SHROOM3: variants seen among roughly 807,000 people sequenced by gnomAD.
SHROOM3 encodes shroom family member 3, also known as protein Shroom3.
Under a neutral mutation model 138.6 loss-of-function variants are expected in SHROOM3, and 47 were observed. The observed-to-expected ratio is 0.34, with a 90% CI of 0.27 to 0.43. The LOEUF (loss-of-function observed/expected upper bound fraction) is 0.43. Ranked by LOEUF, SHROOM3 falls within the 20% of genes least tolerant of loss-of-function variation. The pLI, the probability that SHROOM3 is intolerant of heterozygous loss-of-function variation, is 1.00. For synonymous variants in SHROOM3, 1,062 were observed against 1,063.3 expected, an observed-to-expected ratio of 1.00 and a Z score of 0.02; for missense variants, 2,491 against 2,596.5, an observed-to-expected ratio of 0.96 and a Z score of 0.88.
At chr4:76,531,003 A>G (rs934465801) in intron 1 of SHROOM3, among the ~76,000 whole-genome samples, 6 of 152,192 alleles carry the variant, frequency 3.9e-5, no homozygotes, top group African/African-American at 1.4e-4. Flanking sequence ...GCAACCCTCT[A>G]TCTTCCTAGT....
intron 6 of SHROOM3, among the ~76,000 whole-genome samples, chr4:76,750,642 C>T (rs567205277): frequency 6.6e-6 from 1 of 152,046 alleles, no homozygotes; most frequent in African/African-American, 2.4e-5. Flanking sequence ...CAAACCTGTA[C>T]ATGTACTCCT....
intron 2 of SHROOM3, among the ~76,000 whole-genome samples, chr4:76,571,715 C>T (rs1204130547): frequency 1.3e-5 from 2 of 152,096 alleles, no homozygotes; most frequent in African/African-American, 2.4e-5. Flanking sequence ...GTTGAAATGC[C>T]TGATTAATAC....
chr4:76,491,743 C>T (rs995197223), intron 1 of SHROOM3, among the ~76,000 whole-genome samples: 23 of 152,166 alleles, frequency 1.5e-4, no homozygotes, highest in Admixed American at 1.2e-3. Flanking sequence ...AAGCACCCCC[C>T]AACCCTGGTC....
intron 1 of SHROOM3, among the ~76,000 whole-genome samples, chr4:76,476,215 A>C (rs1731481986): frequency 6.6e-6 from 1 of 152,180 alleles, no homozygotes; most frequent in African/African-American, 2.4e-5. Context: ...ATTTTTTAGA[A>C]TAATTTGAAA....
chr4:76,454,129 C>T (rs572523422), intron 1 of SHROOM3, among the ~76,000 whole-genome samples: 4 of 152,048 alleles, frequency 2.6e-5, no homozygotes, highest in South Asian at 4.2e-4. Flanking sequence ...CTGCAACCTC[C>T]GCCTCCTGGG....
chr4:76,676,907 C>T (rs1343215967), intron 2 of SHROOM3, among the ~76,000 whole-genome samples: 2 of 138,808 alleles, frequency 1.4e-5, no homozygotes, highest in African/African-American at 2.8e-5. Context: ...GGCGCCACTG[C>T]ACTCCAGCCT....
intron 8 of SHROOM3, among the ~76,000 whole-genome samples, chr4:76,757,590 C>T (rs1721860909): frequency 1.3e-5 from 2 of 152,122 alleles, no homozygotes; most frequent in Admixed American, 1.3e-4. Flanking sequence ...CTACACTGAC[C>T]CTTACCTCTG....
Position 76,782,653 on chromosome 4 carries a change from T to A in SHROOM3, c.*3476T>A, listed in dbSNP as rs1265922281. 6.6e-6 allele frequency: 1 copy of A among 152,212 alleles called. No homozygotes were observed. The highest frequency in any genetic ancestry group is 1.5e-5 in the Non-Finnish European group (1 of 68,052). The allele number at this position is 152,212 out of a possible 1,614,324, so 9.4% of individuals were successfully genotyped here. On this transcript the variant is annotated 3_prime_UTR_variant, in exon 11 of 11. Coordinates refer to ENST00000296043, the MANE Select transcript of SHROOM3 (RefSeq NM_020859.4). The stretch of plus-strand genomic sequence containing the variant: ...TGGTAGTGCTGGCTTCATTGTTAGG[T>A]TGGAGTTATTATTTTCCTTTTAGAA...
At chr4:76,468,888 G>A (rs887470568) in intron 1 of SHROOM3, among the ~76,000 whole-genome samples, 2 of 152,162 alleles carry the variant, frequency 1.3e-5, no homozygotes, top group African/African-American at 4.8e-5. Flanking sequence ...AAAAAAATTA[G>A]CCAGGCGTGG....
intron 2 of SHROOM3, among the ~76,000 whole-genome samples, chr4:76,613,603 A>C (rs1310968328): frequency 2.0e-5 from 3 of 152,226 alleles, no homozygotes; most frequent in Non-Finnish European, 1.5e-5. Context: ...TGGAAAACTC[A>C]GATAGGGCTT....
Position 76,779,328 on chromosome 4 carries a change from T to G in SHROOM3, c.*151T>G, listed in dbSNP as rs953663298. ...AAAAAATTCTCTCCAGGAGGAAGCC[T>G]TTTTCCTTCTTGCCCTTCCTGATTG... is the stretch of plus-strand genomic sequence containing the variant. On this transcript the variant is annotated 3_prime_UTR_variant, in exon 11 of 11. Coordinates refer to ENST00000296043, the MANE Select transcript of SHROOM3 (RefSeq NM_020859.4). The G allele has an allele frequency of 5.0e-6, 5 of 994,250 alleles. No homozygotes were observed. In the East Asian group the frequency reaches 1.3e-4, roughly 26 times the overall value. 61.6% of individuals were successfully genotyped at this position (994,250 alleles called of 1,614,324 possible). A position where few individuals can be genotyped will look rare whatever the true frequency, so the allele number is the denominator to read the frequency against.
At position 76,650,752 on chromosome 4, in the gene SHROOM3, C is replaced by T. The variant is rs1735938469; in HGVS notation, c.324-59404C>T. On this transcript the variant is annotated intron_variant, in intron 2 of 10. Coordinates refer to ENST00000296043, the MANE Select transcript of SHROOM3 (RefSeq NM_020859.4). ...TAGAGATGGGGTTTCAGCAACTTGG[C>T]CAGGCTGATCTTGAACTCCTGACCT... is the stretch of plus-strand genomic sequence containing the variant. 3.3e-5 allele frequency among the ~76,000 whole-genome samples: 5 copies of T among 152,122 alleles called. No homozygotes were observed. The South Asian group carries it at 1.0e-3, about 32-fold the overall frequency.
chr4:76,589,900 G>C (rs964333845), intron 2 of SHROOM3, among the ~76,000 whole-genome samples: 1 of 152,172 alleles, frequency 6.6e-6, no homozygotes, highest in African/African-American at 2.4e-5. Context: ...CATTATCCTA[G>C]TGTGGAAGAG....
At position 76,735,987 on chromosome 4, in the gene SHROOM3, T is replaced by C. The variant is rs559016163; in HGVS notation, c.588-2774T>C. ...CTTTGATTTGTTGTGTGTGTTCCTATGTTAGATTTGAATTATCCTTTCAAT... is the reference window on the plus strand; with the variant it reads ...CTTTGATTTGTTGTGTGTGTTCCTACGTTAGATTTGAATTATCCTTTCAAT... On this transcript the variant is annotated intron_variant, in intron 4 of 10. Transcript: ENST00000296043. Among the ~76,000 whole-genome samples, 7 of 150,420 alleles carry C rather than the reference T, an allele frequency of 4.7e-5. No homozygotes were observed. In the South Asian group the frequency reaches 1.5e-3, roughly 32 times the overall value.
intron 2 of SHROOM3, among the ~76,000 whole-genome samples, chr4:76,592,486 G>A (rs1232479121): frequency 6.6e-6 from 1 of 152,210 alleles, no homozygotes; most frequent in Non-Finnish European, 1.5e-5. Context: ...ACACAGCACA[G>A]AGCTTTGTTC....
At chr4:76,569,209 T>C (rs1331527439) in intron 2 of SHROOM3, among the ~76,000 whole-genome samples, 1 of 152,140 alleles carries the variant, frequency 6.6e-6, no homozygotes, top group East Asian at 1.9e-4. Context: ...TTCTCACCAG[T>C]GAAAGTTAAA....
At chr4:76,746,360 G>A (rs188187310) in intron 5 of SHROOM3, among the ~76,000 whole-genome samples, 1 of 152,222 alleles carries the variant, frequency 6.6e-6, no homozygotes, top group African/African-American at 2.4e-5. Flanking sequence ...TACTTTTACT[G>A]TATCTTCTCC....
At chr4:76,650,634 G>T (rs1577951970) in intron 2 of SHROOM3, among the ~76,000 whole-genome samples, 1 of 151,768 alleles carries the variant, frequency 6.6e-6, no homozygotes. Flanking sequence ...AACCTCTGCT[G>T]CCCGGGTTCA....
At chr4:76,695,333 G>T (rs1392057495) in intron 2 of SHROOM3, among the ~76,000 whole-genome samples, 1 of 152,282 alleles carries the variant, frequency 6.6e-6, no homozygotes, top group East Asian at 1.9e-4. Flanking sequence ...GAGAATCATG[G>T]CTGCCTATTA....
Sources: allele counts gnomAD v4.1 joint callset (sites outside exome capture counted in the v4.1 genomes callset), GRCh38; gene constraint gnomAD v4.1.1; transcripts MANE v1.5; gene names NCBI Gene and HGNC (gene_info 2026-07-23, HGNC 2026-07-21).